Variants in PHLPP1 observed in about 807,000 individuals in gnomAD.
The protein encoded by PHLPP1 is PH domain leucine-rich repeat-containing protein phosphatase 1.
Under a neutral mutation model 117.2 loss-of-function variants are expected in PHLPP1, and 42 were observed. That is an observed-to-expected ratio of 0.36 (90% CI 0.28 to 0.46). The LOEUF is 0.46. Ranked by LOEUF, PHLPP1 falls within the 20% of genes least tolerant of loss-of-function variation. The probability of loss-of-function intolerance (pLI) is 1.00; values close to 1 mark genes in which losing one functional copy is unlikely to be tolerated. For synonymous variants in PHLPP1, 1,042 were observed against 970.7 expected, an observed-to-expected ratio of 1.07 and a Z score of -1.37; for missense variants, 2,084 against 2,241.9, an observed-to-expected ratio of 0.93 and a Z score of 1.42.
At chr18:62,723,348 G>A (rs970953447) in intron 1 of PHLPP1, among the ~76,000 whole-genome samples, 1 of 152,228 alleles carries the variant, frequency 6.6e-6, no homozygotes, top group African/African-American at 2.4e-5. Context: ...GTTTGTGAAA[G>A]CATTCAGTTG....
In PHLPP1 at chr18:62,975,483, T is replaced by C; in HGVS notation, c.3842T>C (p.Phe1281Ser). The change falls in exon 16 of 17, where the codon TTC becomes TCC. Residue 1281 changes from phenylalanine to serine, a missense_variant. This residue lies in a region of PHLPP1 where 1,365 missense variants were observed against 1,605.9 expected (regional missense o/e 0.85). Coordinates refer to ENST00000262719, the MANE Select transcript of PHLPP1 (RefSeq NM_194449.4). The stretch of plus-strand genomic sequence containing the variant: ...GACCCTGTGGATCCAGGAGGATCCT[T>C]CACCTTGACCTCTGCTAATGTGGGC... ...KHDPVDPGGSFTLTSANVGKC... is the reference protein window; with the variant it reads ...KHDPVDPGGSSTLTSANVGKC... 6.2e-7 allele frequency: 1 copy of C among 1,613,508 alleles called. No homozygotes were observed. The highest frequency in any genetic ancestry group is 8.5e-7 in the Non-Finnish European group (1 of 1,179,384).
rs755324169 is a variant in PHLPP1, at chr18:62,963,447, A to C, written c.3535A>C (p.Thr1179Pro). Reference sequence around the variant, plus strand: ...CCCAGCTGTATGGAGTCATGGTTACACTGAAGCTTCGGGGGTAAAAAACAA... The same window carrying C: ...CCCAGCTGTATGGAGTCATGGTTACCCTGAAGCTTCGGGGGTAAAAAACAA... Reference protein sequence around the residue: ...GAPAVWSHGYTEASGVKNKLC... With the variant: ...GAPAVWSHGYPEASGVKNKLC... Residue 1179 changes from threonine (T) to proline (P), a missense_variant, in exon 14 of 17, where the codon ACT becomes CCT. Physicochemically the swap from Thr to Pro is conservative, Grantham distance 38. This residue lies in a region of PHLPP1 where 1,365 missense variants were observed against 1,605.9 expected (regional missense o/e 0.85). Transcript: ENST00000262719. The C allele has an allele frequency of 6.2e-7, 1 of 1,612,694 alleles. No homozygotes were observed. Among genetic ancestry groups the C allele is most frequent in the Non-Finnish European group, 8.5e-7 (1 of 1,179,204 alleles).
intron 12 of PHLPP1, among the ~76,000 whole-genome samples, chr18:62,953,273 C>T (rs565315080): frequency 1.3e-5 from 2 of 152,308 alleles, no homozygotes; most frequent in African/African-American, 2.4e-5. Context: ...GATCCCTCTG[C>T]CTGCCCAGCC....
chr18:62,843,590 T>G (rs771609909), intron 3 of PHLPP1, among the ~76,000 whole-genome samples: 1 of 152,238 alleles, frequency 6.6e-6, no homozygotes, highest in Non-Finnish European at 1.5e-5. Flanking sequence ...TTATTTTGGA[T>G]GTGTATTAGT....
At chr18:62,783,611 T>G (rs914077741) in intron 1 of PHLPP1, among the ~76,000 whole-genome samples, 3 of 152,200 alleles carry the variant, frequency 2.0e-5, no homozygotes, top group African/African-American at 7.2e-5. Flanking sequence ...GAGTATCTTT[T>G]CTGATCCATG....
chr18:62,868,668 C>T (rs1158341282), intron 4 of PHLPP1, among the ~76,000 whole-genome samples: 1 of 146,770 alleles, frequency 6.8e-6, no homozygotes, highest in African/African-American at 2.5e-5. Flanking sequence ...TATATGTAAA[C>T]ATTAACATTA....
chr18:62,852,513 T>C (rs950327405), intron 3 of PHLPP1, among the ~76,000 whole-genome samples: 2 of 152,026 alleles, frequency 1.3e-5, no homozygotes, highest in Non-Finnish European at 2.9e-5. Context: ...CCGGCTAATT[T>C]TTTGTATTTT....
intron 10 of PHLPP1, among the ~76,000 whole-genome samples, chr18:62,931,701 T>G (rs1044667576): frequency 6.6e-6 from 1 of 151,434 alleles, no homozygotes; most frequent in Admixed American, 6.6e-5. Flanking sequence ...GAGACCAGCC[T>G]GGCCAATATG....
intron 11 of PHLPP1, among the ~76,000 whole-genome samples, chr18:62,943,695 A>G (rs923383398): frequency 1.3e-5 from 2 of 152,208 alleles, no homozygotes; most frequent in Admixed American, 6.5e-5. Context: ...CAAGCCATTC[A>G]TGTGGTATCT....
chr18:62,945,238 C>A lies in PHLPP1; in HGVS notation c.3291C>A (p.Val1097=). 1 of 1,608,166 alleles carries A rather than the reference C, an allele frequency of 6.2e-7. No homozygotes were observed. Among genetic ancestry groups the A allele is most frequent in the Non-Finnish European group, 8.5e-7 (1 of 1,178,056 alleles). The stretch of plus-strand genomic sequence containing the variant: ...TTGCTCACTCCAACTGCATCGAGGT[C>A]TTTCCCGAAGTTATGCAGCTCCCAG... ...TVIAHSNCIE[V]FPEVMQLPEI... Residue 1097 remains valine, a synonymous_variant, in exon 12 of 17, where the codon GTC becomes GTA. Transcript: ENST00000262719.
chr18:62,928,652 G>A (rs1909718778), intron 10 of PHLPP1, among the ~76,000 whole-genome samples: 1 of 152,096 alleles, frequency 6.6e-6, no homozygotes, highest in Non-Finnish European at 1.5e-5. Flanking sequence ...CTACTCTTAG[G>A]TATATACCCA....
chr18:62,826,550 G>A (rs370391748), intron 1 of PHLPP1, among the ~76,000 whole-genome samples: 2 of 152,236 alleles, frequency 1.3e-5, no homozygotes, highest in African/African-American at 4.8e-5. Flanking sequence ...AAGCAATTTG[G>A]CGCAGAGAAC....
At chr18:62,734,934 G>A (rs897064822) in intron 1 of PHLPP1, among the ~76,000 whole-genome samples, 3 of 152,128 alleles carry the variant, frequency 2.0e-5, no homozygotes, top group African/African-American at 7.2e-5. Context: ...ATGATCCCTT[G>A]CTTTGTAACC....
intron 1 of PHLPP1, among the ~76,000 whole-genome samples, chr18:62,726,085 G>GCA (rs1289189011): frequency 4.6e-5 from 7 of 151,480 alleles, no homozygotes; most frequent in Non-Finnish European, 7.4e-5. Flanking sequence ...TCTTCCTTAT[G>GCA]CACACACACA....
At chr18:62,939,717 C>T (rs1910075534) in intron 10 of PHLPP1, among the ~76,000 whole-genome samples, 2 of 151,060 alleles carry the variant, frequency 1.3e-5, no homozygotes, top group Admixed American at 1.3e-4. Context: ...TGCTTTTCCT[C>T]AGATAAGTAA....
intron 14 of PHLPP1, among the ~76,000 whole-genome samples, chr18:62,972,235 T>C (rs375149094): frequency 6.6e-6 from 1 of 152,186 alleles, no homozygotes; most frequent in East Asian, 1.9e-4. Flanking sequence ...TTATTTCCCA[T>C]GCCTCTTTTT....
chr18:62,944,266 A>G (rs1461326093), intron 11 of PHLPP1, among the ~76,000 whole-genome samples: 5 of 152,222 alleles, frequency 3.3e-5, no homozygotes, highest in Admixed American at 2.0e-4. Flanking sequence ...CAGTGATTGC[A>G]GAGGTAGAGG....
In PHLPP1 at chr18:62,716,758, G is replaced by A; in HGVS notation, c.1075G>A (p.Val359Met). 6.6e-7 allele frequency: 1 copy of A among 1,520,176 alleles called. No homozygotes were observed. Among genetic ancestry groups the A allele is most frequent in the Admixed American group, 2.0e-5 (1 of 49,552 alleles). The allele number at this position is 1,520,176 out of a possible 1,614,324, so 94.2% of individuals were successfully genotyped here. A position where few individuals can be genotyped will look rare whatever the true frequency, so the allele number is the denominator to read the frequency against. Residue 359 changes from valine to methionine, a missense_variant, in exon 1 of 17, where the codon GTG becomes ATG. This residue lies in a region of PHLPP1 where 719 missense variants were observed against 636.0 expected (regional missense o/e 1.13). Coordinates refer to ENST00000262719, the MANE Select transcript of PHLPP1 (RefSeq NM_194449.4). This position sits in a 1 kb window ranked among gnomAD's most constrained non-coding sequence, Gnocchi z 5.7. Reference sequence around the variant, plus strand: ...CAGTCTGAGTCCCAGCGCCGAGAGCGTGTCTGACCGGTTGGACCCCTACAG... The same window carrying A: ...CAGTCTGAGTCCCAGCGCCGAGAGCATGTCTGACCGGTTGGACCCCTACAG... ...SFSLSPSAES[V>M]SDRLDPYSSG...
chr18:62,924,314 C>T (rs1909561230), intron 10 of PHLPP1, among the ~76,000 whole-genome samples: 1 of 151,936 alleles, frequency 6.6e-6, no homozygotes, highest in Non-Finnish European at 1.5e-5. Context: ...ATTATGGTTA[C>T]AGTTCTGTGT....
Sources: gnomAD v4.1 joint callset for allele counts (sites outside exome capture counted in the v4.1 genomes callset) on GRCh38, gnomAD v4.1.1 for gene constraint, gnomAD v4.1.1 regional missense constraint, Gnocchi (gnomAD v3.1) non-coding constraint, MANE v1.5 for transcripts, NCBI Gene and HGNC (gene_info 2026-07-23, HGNC 2026-07-21) for gene names.